The following USF3 variants were observed in gnomAD, a reference collection of about 807,000 sequenced individuals.
The protein encoded by USF3 is upstream transcription factor family member 3, also known as basic helix-loop-helix domain-containing protein USF3.
USF3 carries 29 observed loss-of-function variants against 157.5 expected under a neutral mutation model. The ratio of observed to expected loss-of-function variants is 0.18; its 90% confidence interval spans 0.14 to 0.25. The LOEUF (loss-of-function observed/expected upper bound fraction) is 0.25. Ranked by LOEUF, USF3 falls within the 10% of genes least tolerant of loss-of-function variation. The pLI is 1.00. For synonymous variants in USF3, 893 were observed against 941.4 expected (o/e 0.95, Z 0.94); for missense variants, 2,381 against 2,667.6 (o/e 0.89, Z 2.37).
At chr3:113,689,396 C>T (rs1707635702) in intron 1 of USF3, among the ~76,000 whole-genome samples, 1 of 152,170 alleles carries the variant, frequency 6.6e-6, no homozygotes. Context: ...AGATAGAAGT[C>T]AAGTCATCTG....
Position 113,659,786 on chromosome 3 carries a change from A to C in USF3, c.1896T>G (p.His632Gln). 6.2e-7 allele frequency: 1 copy of C among 1,614,242 alleles called. No individual in the cohort carries two copies. ...VPTPQTFGGK[H>Q]LVHILPRPSS... The stretch of plus-strand genomic sequence containing the variant: ...AAGGTCTTGGTAATATGTGGACAAG[A>C]TGCTTTCCTCCAAAAGTCTGTGGTG... The change falls in exon 7 of 7, where the codon CAT becomes CAG. Residue 632 changes from histidine (H) to glutamine (Q), a missense_variant. Transcript: ENST00000316407.
Position 113,657,123 on chromosome 3 carries a change from T to C in USF3, c.4559A>G (p.Gln1520Arg). The change falls in exon 7 of 7, where the codon CAG becomes CGG. Residue 1520 changes from glutamine to arginine, a missense_variant. Physicochemically the swap from Gln to Arg is conservative, Grantham distance 43 (BLOSUM62 1). Transcript: ENST00000316407. ...AACAAGATTCCTCTTTTTCTGCATC[T>C]GAACTTCCTGTTGCAGAGTCCTCTG... ...HQQRTLQQEV[Q>R]MQKKRNLVQG... is the part of the protein sequence containing the mutation. 6.2e-7 allele frequency: 1 copy of C among 1,614,162 alleles called. No homozygotes were observed. The highest frequency in any genetic ancestry group is 8.5e-7 in the Non-Finnish European group (1 of 1,180,028).
intron 1 of USF3, among the ~76,000 whole-genome samples, chr3:113,680,445 CTT>C (rs771252317): frequency 6.6e-5 from 10 of 151,568 alleles, no homozygotes; most frequent in Non-Finnish European, 1.0e-4. Context: ...GTACTGTCTA[CTT>C]TTTCATTTTT....
intron 6 of USF3, among the ~76,000 whole-genome samples, chr3:113,663,423 GACCTGGGCCATAAAC>G (rs1947517061): frequency 1.3e-5 from 2 of 152,126 alleles, no homozygotes; most frequent in Non-Finnish European, 2.9e-5. Flanking sequence ...ATCACAAAAA[GACCTGGGCCATAAAC>G]ACCAGCTAAA....
At chr3:113,685,963 G>C (rs1431909217) in intron 1 of USF3, among the ~76,000 whole-genome samples, 1 of 152,124 alleles carries the variant, frequency 6.6e-6, no homozygotes, top group Non-Finnish European at 1.5e-5. Context: ...TCTGGAGTTG[G>C]AGGAGTGGTG....
intron 1 of USF3, among the ~76,000 whole-genome samples, chr3:113,692,699 G>T (rs552270355): frequency 8.5e-5 from 13 of 152,054 alleles, no homozygotes; most frequent in African/African-American, 3.1e-4. Flanking sequence ...ATAAATACTT[G>T]GTGAACTGAA....
chr3:113,661,052 A>G lies in USF3; in HGVS notation c.630T>C (p.His210=). ...TAGCCAATGCAGGAACTGTGGTCTGATGCCATGGCTTGTTTTCAGAAGGGT... is the reference window on the plus strand; with the variant it reads ...TAGCCAATGCAGGAACTGTGGTCTGGTGCCATGGCTTGTTTTCAGAAGGGT... ...GVYPSENKPW[H]QTTVPALATN... is the part of the protein sequence containing the mutation. The change falls in exon 7 of 7, where the codon CAT becomes CAC. Residue 210 remains histidine (H), a synonymous_variant. Coordinates refer to ENST00000316407, the MANE Select transcript of USF3 (RefSeq NM_001009899.4). 1.2e-6 allele frequency: 2 copies of G among 1,614,198 alleles called. No homozygotes were observed. The highest frequency in any genetic ancestry group is 8.5e-7 in the Non-Finnish European group (1 of 1,180,032).
intron 1 of USF3, among the ~76,000 whole-genome samples, chr3:113,692,673 G>T (rs1168971777): frequency 3.9e-5 from 6 of 151,990 alleles, no homozygotes; most frequent in Admixed American, 3.3e-4. Context: ...TAACAGTGTT[G>T]GGCACATGGT....
At chr3:113,686,707 T>A (rs187462776) in intron 1 of USF3, among the ~76,000 whole-genome samples, 6 of 152,364 alleles carry the variant, frequency 3.9e-5, no homozygotes, top group Admixed American at 1.3e-4. Flanking sequence ...GATCTATACA[T>A]GACATCTTTC....
In USF3 at chr3:113,657,763, T is replaced by C. The variant is rs755393706; in HGVS notation, c.3919A>G (p.Ile1307Val). 29 of 1,614,022 alleles carry C rather than the reference T, an allele frequency of 1.8e-5. No homozygotes were observed. Among genetic ancestry groups the C allele is most frequent in the Middle Eastern group, 3.3e-4 (2 of 6,084 alleles). The change falls in exon 7 of 7, where the codon ATA (isoleucine) becomes GTA (valine). Residue 1307 changes from isoleucine to valine, a missense_variant. By Grantham distance (29) the Ile-to-Val change is conservative (BLOSUM62 3). Transcript: ENST00000316407. ...GGCTCTTGAATCTGTGAATTTGGTATGGTACTAGTCATAGTATTTAGCTGT... is the reference window on the plus strand; with the variant it reads ...GGCTCTTGAATCTGTGAATTTGGTACGGTACTAGTCATAGTATTTAGCTGT... ...QEQLNTMTST[I>V]PNSQIQEPLL...
At chr3:113,693,638 T>C (rs1707737633) in intron 1 of USF3, among the ~76,000 whole-genome samples, 1 of 152,132 alleles carries the variant, frequency 6.6e-6, no homozygotes. Context: ...AAATAAAATA[T>C]TCCTTAGCAT....
At chr3:113,663,659 T>C (rs1947520631) in intron 6 of USF3, among the ~76,000 whole-genome samples, 1 of 152,180 alleles carries the variant, frequency 6.6e-6, no homozygotes, top group Non-Finnish European at 1.5e-5. Flanking sequence ...TCCTTGCACT[T>C]GTCAGGGGTA....
chr3:113,690,353 C>T (rs577057633), intron 1 of USF3, among the ~76,000 whole-genome samples: 1 of 152,158 alleles, frequency 6.6e-6, no homozygotes, highest in South Asian at 2.1e-4. Context: ...GGATTTTATA[C>T]CCCAATGTCT....
rs1227000373 is a variant in USF3, at chr3:113,655,170, A to G, written c.6512T>C (p.Leu2171Pro). ...GTGCATTGGTGGCATATCTGGGAGA[A>G]GAGGAAAACTTGGTTGAGCAAACCC... ...PVGFAQPSFPLLPDMPPMHMT... is the reference protein window; with the variant it reads ...PVGFAQPSFPPLPDMPPMHMT... Residue 2171 changes from leucine to proline, a missense_variant, in exon 7 of 7, where the codon CTT becomes CCT. Physicochemically the swap from Leu to Pro is moderately conservative, Grantham distance 98. Around this residue, in one of 6 missense-constraint regions of USF3, gnomAD observed 770 missense variants for 824.2 expected, o/e 0.93. Coordinates refer to ENST00000316407, the MANE Select transcript of USF3 (RefSeq NM_001009899.4). The G allele has an allele frequency of 6.2e-7, 1 of 1,614,234 alleles. No individual in the cohort carries two copies. Among genetic ancestry groups the G allele is most frequent in the Admixed American group, 1.7e-5 (1 of 60,024 alleles).
Position 113,654,980 on chromosome 3 carries a change from G to C in USF3, c.6702C>G (p.Ser2234Arg), listed in dbSNP as rs1175490029. The change falls in exon 7 of 7, where the codon AGC becomes AGG. Residue 2234 changes from serine to arginine, a missense_variant. Coordinates refer to ENST00000316407, the MANE Select transcript of USF3 (RefSeq NM_001009899.4). ...AACTGCAATCATGACCTAGAATATG[G>C]CTTATGTTATGGGCAGGTCTGTTTG... ...QSSNRPAHNI[S>R]HILGHDCSSA... The C allele has an allele frequency of 1.9e-6, 3 of 1,613,294 alleles. No individual in the cohort carries two copies. Among genetic ancestry groups the C allele is most frequent in the Non-Finnish European group, 2.5e-6 (3 of 1,179,550 alleles).
At chr3:113,667,984 A>G (rs1947596454) in intron 5 of USF3, among the ~76,000 whole-genome samples, 2 of 152,212 alleles carry the variant, frequency 1.3e-5, no homozygotes, top group Admixed American at 1.3e-4. Flanking sequence ...AACATAGAGA[A>G]GCAAGCTGAT....
At chr3:113,665,706 T>TA (rs1439025588) in intron 5 of USF3, among the ~76,000 whole-genome samples, 1 of 152,026 alleles carries the variant, frequency 6.6e-6, no homozygotes, top group African/African-American at 2.4e-5. Context: ...CGCACACCTG[T>TA]AATGCCAGCT....
At chr3:113,679,852 CATA>C (rs1340934048) in intron 1 of USF3, among the ~76,000 whole-genome samples, 2 of 151,970 alleles carry the variant, frequency 1.3e-5, no homozygotes, top group African/African-American at 2.4e-5. Context: ...TTTTACTAAG[CATA>C]ATGTTTCTGA....
Position 113,674,902 on chromosome 3 carries a change from G to C in USF3, c.-18-6C>G. On this transcript the variant is annotated splice_polypyrimidine_tract_variant and splice_region_variant and intron_variant, in intron 2 of 6. Coordinates refer to ENST00000316407, the MANE Select transcript of USF3 (RefSeq NM_001009899.4). ...ATGGTTACAGTAATAGGAACCTACA[G>C]AAGGATAGAAAGACACACCAGAAAG... is the stretch of plus-strand genomic sequence containing the variant. The C allele has an allele frequency of 6.3e-7, 1 of 1,589,028 alleles. No individual in the cohort carries two copies. Among genetic ancestry groups the C allele is most frequent in the Non-Finnish European group, 8.6e-7 (1 of 1,157,164 alleles).
Sources: gnomAD v4.1 joint callset for allele counts (sites outside exome capture counted in the v4.1 genomes callset) on GRCh38, gnomAD v4.1.1 for gene constraint, gnomAD v4.1.1 regional missense constraint, MANE v1.5 for transcripts, NCBI Gene and HGNC (gene_info 2026-07-23, HGNC 2026-07-21) for gene names.